The following PAAF1 variants were observed in gnomAD, a reference collection of about 807,000 sequenced individuals.
PAAF1 encodes the protein proteasomal ATPase associated factor 1.
Under a neutral mutation model 52.8 loss-of-function variants are expected in PAAF1, and 46 were observed. That is an observed-to-expected ratio of 0.87 (90% CI 0.69 to 1.11). The LOEUF is 1.11. Ranked by LOEUF, PAAF1 falls within the 50% of genes most tolerant of loss-of-function variation. The pLI is 0.00. For synonymous variants in PAAF1, 178 were observed against 172.8 expected, an observed-to-expected ratio of 1.03 and a Z score of -0.24; for missense variants, 424 against 477.4, an observed-to-expected ratio of 0.89 and a Z score of 1.04.
At position 73,911,708 on chromosome 11, in the gene PAAF1, C is replaced by T. The variant is rs531691877; in HGVS notation, c.727+2115C>T. On this transcript the variant is annotated intron_variant, in intron 7 of 11. Transcript: ENST00000310571. Reference sequence around the variant, plus strand: ...GTGCGATCTCTTGGCTCACTGCAGCCTCCACCTCCCAGGTTCAAGTGTTCG... The same window carrying T: ...GTGCGATCTCTTGGCTCACTGCAGCTTCCACCTCCCAGGTTCAAGTGTTCG... Among the ~76,000 whole-genome samples, 3 of 151,340 alleles carry T rather than the reference C, an allele frequency of 2.0e-5. No homozygotes were observed. In the South Asian group the frequency reaches 6.3e-4, roughly 32 times the overall value.
intron 10 of PAAF1, among the ~76,000 whole-genome samples, chr11:73,920,517 G>A (rs1256063593): frequency 6.6e-6 from 1 of 151,948 alleles, no homozygotes; most frequent in African/African-American, 2.4e-5. Context: ...GTGACAAAGC[G>A]AGACTCTGTC....
At position 73,900,981 on chromosome 11, in the gene PAAF1, CAAAAAAAAAAAAAAAA is replaced by C. The variant is rs5792636; in HGVS notation, c.532+579_532+594del. ...TGGGCGACAGAGCGAGACTCCGTCT[CAAAAAAAAAAAAAAAA>C]AAAAAAAAAAAAAAAAAGTTGTTTT... is the stretch of plus-strand genomic sequence containing the variant. On this transcript the variant is annotated intron_variant, in intron 6 of 11. Transcript: ENST00000310571. Among the ~76,000 whole-genome samples the C allele has an allele frequency of 4.5e-4, 27 of 59,542 alleles. 1 individual carries two copies. The highest frequency in any genetic ancestry group is 1.4e-3 in the Admixed American group (5 of 3,592). 39.1% of individuals were successfully genotyped at this position (59,542 alleles called of 152,430 possible). A position where few individuals can be genotyped will look rare whatever the true frequency, so the allele number is the denominator to read the frequency against.
At chr11:73,908,295 G>GTGTGTATATATGTATATATA (rs1329519172) in intron 6 of PAAF1, among the ~76,000 whole-genome samples, 2,116 of 144,070 alleles carry the variant, frequency 0.015, 87 homozygotes, top group African/African-American at 0.052. Flanking sequence ...GTATATATAT[G>GTGTGTATATATGTATATATA]TGTGTATATA....
intron 7 of PAAF1, among the ~76,000 whole-genome samples, chr11:73,913,508 A>G (rs1186385287): frequency 2.0e-5 from 3 of 152,084 alleles, no homozygotes; most frequent in African/African-American, 7.2e-5. Flanking sequence ...TCCACCATCT[A>G]TTCACTTCTG....
chr11:73,887,588 CTG>C, intron 3 of PAAF1, 131 bp downstream of exon 3: 1 of 546,530 alleles, frequency 1.8e-6, no homozygotes, highest in Non-Finnish European at 3.0e-6. Context: ...TTTTTGCTGT[CTG>C]TGAGTGTCAT....
At position 73,930,936 on chromosome 11, in the gene PAAF1, G is replaced by A. The variant is rs1173579256; in HGVS notation, c.*3574G>A. ...ATTGCATAGCATGGTAGATTGCTAA[G>A]AGTAAATTTCAAATGTTCTCAACCC... On this transcript the variant is annotated 3_prime_UTR_variant, in exon 12 of 12. Coordinates refer to ENST00000310571, the MANE Select transcript of PAAF1 (RefSeq NM_025155.3). 6.6e-6 allele frequency: 1 copy of A among 151,914 alleles called. No individual in the cohort carries two copies. The highest frequency in any genetic ancestry group is 6.6e-5 in the Admixed American group (1 of 15,232). 9.4% of individuals were successfully genotyped at this position (151,914 alleles called of 1,614,324 possible).
chr11:73,899,983 T>C (rs916986781), intron 5 of PAAF1, among the ~76,000 whole-genome samples: 6 of 151,062 alleles, frequency 4.0e-5, no homozygotes, highest in Non-Finnish European at 8.8e-5. Context: ...TAGAGATGGC[T>C]GTGAAAGCCA....
chr11:73,927,273 CTTGTG>C lies in PAAF1; in HGVS notation c.1102-9_1102-5del. The C allele has an allele frequency of 1.2e-6, 2 of 1,609,918 alleles. No individual in the cohort carries two copies. The highest frequency in any genetic ancestry group is 1.7e-6 in the Non-Finnish European group (2 of 1,176,230). On this transcript the variant is annotated splice_polypyrimidine_tract_variant and splice_region_variant and intron_variant, in intron 11 of 11. Transcript: ENST00000310571. ...CCAGGCTTCCTTTGAACTGTGAATT[CTTGTG>C]TTTTAGGTAGCCACATGGGAGAAGC...
rs59523527 is a variant in PAAF1 at position 73,910,989 on chromosome 11, C to CA, written c.727+1418dup. On this transcript the variant is annotated intron_variant, in intron 7 of 11. Transcript: ENST00000310571. The stretch of plus-strand genomic sequence containing the variant: ...CAGGCGACAGTGTGAGACTCTGTCT[C>CA]AAAAAAAAAAAAAAAAAAAAAAGTA... Among the ~76,000 whole-genome samples the CA allele has an allele frequency of 5.1e-3, 352 of 69,210 alleles. 1 individual carries two copies. The highest frequency in any genetic ancestry group is 7.7e-3 in the Middle Eastern group (1 of 130). 45.4% of individuals were successfully genotyped at this position (69,210 alleles called of 152,430 possible). A position where few individuals can be genotyped will look rare whatever the true frequency, so the allele number is the denominator to read the frequency against.
At chr11:73,924,551 C>T in intron 10 of PAAF1, 64 bp from the exon 11 acceptor site, 1 of 1,342,054 alleles carries the variant, frequency 7.5e-7, no homozygotes, top group East Asian at 2.3e-5. Context: ...AATAAAAATA[C>T]TGAGTTTTTA....
chr11:73,915,959 C>T (rs1950051143), intron 8 of PAAF1, among the ~76,000 whole-genome samples: 1 of 152,074 alleles, frequency 6.6e-6, no homozygotes, highest in Admixed American at 6.6e-5. Flanking sequence ...AGAGGGAAAT[C>T]AGGTTTTTTT....
intron 9 of PAAF1, among the ~76,000 whole-genome samples, chr11:73,918,283 A>G (rs1950121032): frequency 6.6e-6 from 1 of 151,290 alleles, no homozygotes; most frequent in Non-Finnish European, 1.5e-5. Context: ...GTTTATTCCA[A>G]GAGTAGGGAA....
rs1950442705 is a variant in PAAF1 at position 73,930,525 on chromosome 11, T to A, written c.*3163T>A. 1 of 152,086 alleles carries A rather than the reference T, an allele frequency of 6.6e-6. No individual in the cohort carries two copies. The highest frequency in any genetic ancestry group is 1.5e-5 in the Non-Finnish European group (1 of 68,042). The allele number at this position is 152,086 out of a possible 1,614,324, so 9.4% of individuals were successfully genotyped here. ...ACTTTGGGAGGCTGGGGTGGGTGGATCGCTGGAGCCCAGGAATTGGAGACC... is the reference window on the plus strand; with the variant it reads ...ACTTTGGGAGGCTGGGGTGGGTGGAACGCTGGAGCCCAGGAATTGGAGACC... On this transcript the variant is annotated 3_prime_UTR_variant, in exon 12 of 12. Coordinates refer to ENST00000310571, the MANE Select transcript of PAAF1 (RefSeq NM_025155.3).
At position 73,928,845 on chromosome 11, in the gene PAAF1, A is replaced by G. The variant is rs1336944358; in HGVS notation, c.*1483A>G. The G allele has an allele frequency of 1.3e-5, 2 of 152,166 alleles. No individual in the cohort carries two copies. Among genetic ancestry groups the G allele is most frequent in the Admixed American group, 1.3e-4 (2 of 15,286 alleles). The allele number at this position is 152,166 out of a possible 1,614,324, so 9.4% of individuals were successfully genotyped here. ...ATTCTCCTGCCTCAGCCTCCCTAGTAGCTGGGACTGCAGGCATGCACCACC... is the reference window on the plus strand; with the variant it reads ...ATTCTCCTGCCTCAGCCTCCCTAGTGGCTGGGACTGCAGGCATGCACCACC... On this transcript the variant is annotated 3_prime_UTR_variant, in exon 12 of 12. Transcript: ENST00000310571.
At chr11:73,913,130 G>C (rs1388917672) in intron 7 of PAAF1, among the ~76,000 whole-genome samples, 2 of 152,094 alleles carry the variant, frequency 1.3e-5, no homozygotes, top group East Asian at 3.9e-4. Flanking sequence ...ACCTGCCTTG[G>C]GCTCCCAAAA....
At chr11:73,900,536 C>A in intron 6 of PAAF1, 116 bp downstream of exon 6, 2 of 1,201,058 alleles carry the variant, frequency 1.7e-6, no homozygotes, top group Non-Finnish European at 2.3e-6. Context: ...TCCAGCTGGG[C>A]ATTTAGATGA....
At chr11:73,894,335 T>G (rs1018327991) in intron 4 of PAAF1, among the ~76,000 whole-genome samples, 1 of 152,098 alleles carries the variant, frequency 6.6e-6, no homozygotes, top group African/African-American at 2.4e-5. Flanking sequence ...AGACCTTGTC[T>G]CTACAAAAAA....
chr11:73,901,590 A>T (rs1470988316), intron 6 of PAAF1, among the ~76,000 whole-genome samples: 1 of 151,598 alleles, frequency 6.6e-6, no homozygotes, highest in African/African-American at 2.4e-5. Flanking sequence ...TTGTGTGTGG[A>T]GATCAAGTTT....
intron 10 of PAAF1, among the ~76,000 whole-genome samples, chr11:73,921,299 CAA>C (rs35623031): frequency 8.1e-4 from 100 of 123,258 alleles, no homozygotes; most frequent in African/African-American, 7.2e-4. Context: ...GACTGCCTCG[CAA>C]AAAAAAAAAA....
Sources: allele counts gnomAD v4.1 joint callset (sites outside exome capture counted in the v4.1 genomes callset), GRCh38; gene constraint gnomAD v4.1.1; transcripts MANE v1.5; gene names NCBI Gene and HGNC (gene_info 2026-07-23, HGNC 2026-07-21).